The following N4BP2L2 variants were observed in gnomAD, a reference collection of about 807,000 sequenced individuals.
N4BP2L2 encodes NEDD4 binding protein 2 like 2.
In N4BP2L2, 50 loss-of-function variants were observed where a neutral mutation model predicts 56.2. That is an observed-to-expected ratio of 0.89 (90% CI 0.71 to 1.13). The LOEUF is 1.13. Ranked by LOEUF, N4BP2L2 falls within the 50% of genes most tolerant of loss-of-function variation. The pLI is 0.00. For missense variants in N4BP2L2, 689 were observed against 693.8 expected (o/e 0.99, Z 0.08); for synonymous variants, 203 against 223.6 (o/e 0.91, Z 0.82).
In N4BP2L2 at chr13:32,486,064, TCAAA is replaced by T. The variant is rs539599786; in HGVS notation, c.365+31789_365+31792del. ...CAGCCTGGCGAACAGAGATGTCATC[TCAAA>T]CAAACAAACACCTAAATCAAAATAA... On this transcript the variant is annotated intron_variant, in intron 6 of 9. Transcript: ENST00000357505. Among the ~76,000 whole-genome samples, 143 of 151,466 alleles carry T rather than the reference TCAAA, an allele frequency of 9.4e-4. 1 individual carries two copies. Among genetic ancestry groups the T allele is most frequent in the Admixed American group, 8.7e-3 (132 of 15,230 alleles).
At chr13:32,497,614 C>A (rs1376678464) in intron 6 of N4BP2L2, among the ~76,000 whole-genome samples, 4 of 152,184 alleles carry the variant, frequency 2.6e-5, no homozygotes, top group Admixed American at 6.5e-5. Flanking sequence ...GTCACAGCCA[C>A]CCTGCAGTGC....
intron 2 of N4BP2L2, among the ~76,000 whole-genome samples, chr13:32,532,121 G>A (rs1221791282): frequency 6.6e-6 from 1 of 152,080 alleles, no homozygotes; most frequent in Non-Finnish European, 1.5e-5. Context: ...AATCAAATTT[G>A]CAAAATCCAA....
At chr13:32,436,382 TCAACCAATC>T in exon 9 of N4BP2L2, 1 of 1,232,932 alleles carries the variant, frequency 8.1e-7, no homozygotes, top group Non-Finnish European at 1.1e-6. Context: ...TTTTCATTTT[TCAACCAATC>T]TTCTTCTGTC....
chr13:32,537,193 T>G (rs921951951), intron 1 of N4BP2L2, among the ~76,000 whole-genome samples, 166 bp from the exon 2 acceptor site: 4 of 152,098 alleles, frequency 2.6e-5, no homozygotes, highest in Non-Finnish European at 4.4e-5. Flanking sequence ...ATTATTTAAG[T>G]ACAGTCACAA....
At chr13:32,444,928 A>C (rs1377627646) in intron 6 of N4BP2L2, among the ~76,000 whole-genome samples, 6 of 152,196 alleles carry the variant, frequency 3.9e-5, no homozygotes, top group African/African-American at 1.2e-4. Flanking sequence ...GGCAATTATA[A>C]AACATTAGTA....
intron 6 of N4BP2L2, among the ~76,000 whole-genome samples, chr13:32,455,952 C>T (rs2078908864): frequency 6.6e-6 from 1 of 152,332 alleles, no homozygotes; most frequent in Middle Eastern, 3.4e-3. Context: ...GATGGTTGTC[C>T]CACCACCACG....
intron 6 of N4BP2L2, among the ~76,000 whole-genome samples, chr13:32,466,073 T>C (rs1172071986): frequency 6.6e-6 from 1 of 152,210 alleles, no homozygotes; most frequent in African/African-American, 2.4e-5. Context: ...TAAAAACTAC[T>C]ACCCTAAAGA....
At chr13:32,498,482 A>G (rs1593881184) in intron 6 of N4BP2L2, among the ~76,000 whole-genome samples, 1 of 152,058 alleles carries the variant, frequency 6.6e-6, no homozygotes, top group East Asian at 2.0e-4. Flanking sequence ...AGCTGGGATT[A>G]CAGGTGTGCA....
chr13:32,441,917 A>G (rs1311077666), intron 7 of N4BP2L2, among the ~76,000 whole-genome samples: 2 of 150,152 alleles, frequency 1.3e-5, no homozygotes, highest in Admixed American at 1.3e-4. Context: ...ATAAATAAAT[A>G]AATAAATAAA....
intron 1 of N4BP2L2, among the ~76,000 whole-genome samples, chr13:32,537,832 G>C (rs1166541574): frequency 6.6e-6 from 1 of 152,190 alleles, no homozygotes; most frequent in Admixed American, 6.5e-5. Flanking sequence ...CAGCACTTGG[G>C]AGGCTGAGGC....
At chr13:32,440,712 C>T (rs2076188342) in intron 7 of N4BP2L2, among the ~76,000 whole-genome samples, 1 of 152,184 alleles carries the variant, frequency 6.6e-6, no homozygotes, top group Admixed American at 6.6e-5. Context: ...ATCCACCTGC[C>T]TCAGCCTCCC....
chr13:32,536,322 G>T, exon 2 of N4BP2L2: 1 of 1,613,900 alleles, frequency 6.2e-7, no homozygotes, highest in Non-Finnish European at 8.5e-7. Flanking sequence ...AAGTTCTGCT[G>T]ATAATCACAA....
At chr13:32,527,609 T>TA (rs1247951132) in intron 2 of N4BP2L2, 77 bp from the exon 3 acceptor site, 1 of 1,489,878 alleles carries the variant, frequency 6.7e-7, no homozygotes, top group Non-Finnish European at 9.1e-7. Flanking sequence ...GAAATAAATA[T>TA]AACCAAGTGA....
At chr13:32,537,495 T>C (rs1015077896) in intron 1 of N4BP2L2, among the ~76,000 whole-genome samples, 1 of 152,132 alleles carries the variant, frequency 6.6e-6, no homozygotes, top group Non-Finnish European at 1.5e-5. Context: ...CCACTGTGTT[T>C]TTGAGAGTAA....
intron 8 of N4BP2L2, among the ~76,000 whole-genome samples, chr13:32,437,025 C>T (rs2075606231): frequency 6.6e-6 from 1 of 151,890 alleles, no homozygotes; most frequent in Non-Finnish European, 1.5e-5. Context: ...TGATTACAGG[C>T]AAGTGCCACC....
intron 5 of N4BP2L2, 128 bp from the exon 6 acceptor site, chr13:32,518,131 G>T: frequency 1.2e-6 from 1 of 844,272 alleles, no homozygotes; most frequent in South Asian, 2.3e-5. Flanking sequence ...TATTTCATCT[G>T]TCCACATTTT....
chr13:32,449,215 T>G (rs1392284871), intron 6 of N4BP2L2, among the ~76,000 whole-genome samples: 1 of 152,240 alleles, frequency 6.6e-6, no homozygotes, highest in Non-Finnish European at 1.5e-5. Flanking sequence ...AGGAGTCAGA[T>G]GGGTTTATTC....
At chr13:32,477,931 T>G in intron 6 of N4BP2L2, 1 of 1,289,414 alleles carries the variant, frequency 7.8e-7, no homozygotes, top group Non-Finnish European at 1.0e-6. Context: ...TGTGTCAGTC[T>G]CCCTTTTGTT....
chr13:32,441,690 CATAAATAAATAAATAA>C (rs199951664), intron 7 of N4BP2L2, among the ~76,000 whole-genome samples: 7,095 of 137,620 alleles, frequency 0.052, 619 homozygotes, highest in African/African-American at 0.18. Context: ...CTCTCAAAAA[CATAAATAAATAAATAA>C]ATAAATAAAT....
Sources: allele counts gnomAD v4.1 joint callset (sites outside exome capture counted in the v4.1 genomes callset), GRCh38; gene constraint gnomAD v4.1.1; transcripts MANE v1.5; gene names NCBI Gene and HGNC (gene_info 2026-07-23, HGNC 2026-07-21).